The following EPC2 variants were observed in gnomAD, a reference collection of about 807,000 sequenced individuals.
The protein encoded by EPC2 is enhancer of polycomb homolog 2.
A neutral mutation model predicts 92.1 loss-of-function variants in EPC2; 14 were observed. That is an observed-to-expected ratio of 0.15 (90% CI 0.10 to 0.24). EPC2 has a LOEUF of 0.24. Ranked by LOEUF, EPC2 falls within the 10% of genes least tolerant of loss-of-function variation. The pLI is 1.00. For synonymous variants in EPC2, 340 were observed against 334.7 expected (o/e 1.02, Z -0.17); for missense variants, 755 against 971.5 (o/e 0.78, Z 2.96).
intron 10 of EPC2, among the ~76,000 whole-genome samples, chr2:148,775,497 T>C (rs922289752): frequency 3.5e-4 from 53 of 151,964 alleles, no homozygotes; most frequent in Non-Finnish European, 4.7e-4. Context: ...TTTTCTCTAA[T>C]GCATGGTTGC....
intron 1 of EPC2, among the ~76,000 whole-genome samples, chr2:148,654,099 C>A (rs1680741101): frequency 6.6e-6 from 1 of 151,942 alleles, no homozygotes; most frequent in Admixed American, 6.6e-5. Context: ...TAGGCACACG[C>A]CACCACGCCC....
intron 2 of EPC2, among the ~76,000 whole-genome samples, chr2:148,714,628 C>T (rs1217310413): frequency 6.6e-6 from 1 of 152,154 alleles, no homozygotes; most frequent in Non-Finnish European, 1.5e-5. Flanking sequence ...GATGGTACCT[C>T]ATTGTGGTTT....
rs115051866 is a variant in EPC2, at chr2:148,756,317, A to G, written c.666+2184A>G. 3.9e-3 allele frequency among the ~76,000 whole-genome samples: 591 copies of G among 152,284 alleles called. 4 individuals are homozygous for G. The highest frequency in any genetic ancestry group is 0.014 in the African/African-American group (572 of 41,570). ...GTGGGACCAAAGACGATTCCCTATCATGCTCACCATTGCTAGTTAGAAATG... is the reference window on the plus strand; with the variant it reads ...GTGGGACCAAAGACGATTCCCTATCGTGCTCACCATTGCTAGTTAGAAATG... On this transcript the variant is annotated intron_variant, in intron 4 of 13. Coordinates refer to ENST00000258484, the MANE Select transcript of EPC2 (RefSeq NM_015630.4).
At chr2:148,737,812 TAAA>T (rs1173824162) in intron 2 of EPC2, among the ~76,000 whole-genome samples, 1 of 144,398 alleles carries the variant, frequency 6.9e-6, no homozygotes, top group Non-Finnish European at 1.5e-5. Flanking sequence ...CCGATGAGCT[TAAA>T]AAAAAAAAAG....
intron 1 of EPC2, among the ~76,000 whole-genome samples, chr2:148,662,522 A>G (rs1430214568): frequency 1.3e-5 from 2 of 152,210 alleles, no homozygotes; most frequent in East Asian, 1.9e-4. Flanking sequence ...TTGTAGGGAC[A>G]TGGATGAAGC....
chr2:148,709,031 A>G lies in EPC2; in HGVS notation c.313+18658A>G, dbSNP rs558248133. 8.1e-4 allele frequency among the ~76,000 whole-genome samples: 123 copies of G among 152,328 alleles called. 4 individuals are homozygous for G. The South Asian group carries it at 0.022, about 27-fold the overall frequency. ...AAGAGAAAGAAAGAAAGGGTATCCA[A>G]TTAGGAAAAGAGGAAGTCAAATTGT... On this transcript the variant is annotated intron_variant, in intron 2 of 13. Transcript: ENST00000258484.
intron 4 of EPC2, among the ~76,000 whole-genome samples, chr2:148,756,625 G>T (rs1056870330): frequency 6.6e-6 from 1 of 152,184 alleles, no homozygotes; most frequent in African/African-American, 2.4e-5. Flanking sequence ...AAATGAGATA[G>T]TCTTAAGGCA....
intron 10 of EPC2, 25 bp downstream of exon 10, chr2:148,771,412 A>G (rs377708452): frequency 3.0e-5 from 45 of 1,503,246 alleles, no homozygotes; most frequent in African/African-American, 4.2e-5. Context: ...TGTTAAAAGT[A>G]TATCCTGCTA....
In EPC2 at chr2:148,764,972, T is replaced by G. The variant is rs373617252; in HGVS notation, c.966T>G (p.Ser322=). 1.9e-5 allele frequency: 30 copies of G among 1,566,170 alleles called. No individual in the cohort carries two copies. In the African/African-American group the frequency reaches 3.8e-4, roughly 20 times the overall value. ...ECKTKHPHHL[S]LKEEASDVVR... ...GTAAACAGCACCCTCATCATTTGTC[T>G]TTGAAAGAAGAGGCTTCTGATGTGG... Residue 322 remains serine, a synonymous_variant, in exon 7 of 14, where the codon TCT becomes TCG. Transcript: ENST00000258484.
At chr2:148,680,528 C>T (rs988011921) in intron 1 of EPC2, among the ~76,000 whole-genome samples, 4 of 152,072 alleles carry the variant, frequency 2.6e-5, no homozygotes, top group Non-Finnish European at 4.4e-5. Context: ...ATCTTGAGGC[C>T]GGATATTTAT....
intron 2 of EPC2, among the ~76,000 whole-genome samples, chr2:148,701,767 T>G (rs1310611100): frequency 6.6e-6 from 1 of 152,220 alleles, no homozygotes; most frequent in African/African-American, 2.4e-5. Context: ...AAGTGTTTTC[T>G]CTGCTTCTGT....
At chr2:148,713,883 C>G (rs1462683837) in intron 2 of EPC2, among the ~76,000 whole-genome samples, 1 of 152,130 alleles carries the variant, frequency 6.6e-6, no homozygotes, top group Non-Finnish European at 1.5e-5. Flanking sequence ...CTAACAGATG[C>G]ATTTGTCAGA....
intron 2 of EPC2, among the ~76,000 whole-genome samples, chr2:148,736,109 A>G (rs925858677): frequency 2.6e-5 from 4 of 152,206 alleles, no homozygotes; most frequent in Non-Finnish European, 4.4e-5. Flanking sequence ...GCATCAAGGT[A>G]ATTGTCATTA....
At chr2:148,727,015 A>G (rs1682513201) in intron 2 of EPC2, among the ~76,000 whole-genome samples, 1 of 152,006 alleles carries the variant, frequency 6.6e-6, no homozygotes, top group African/African-American at 2.4e-5. Flanking sequence ...ATTCAATGTC[A>G]TGAAGTCTTT....
chr2:148,778,861 G>C (rs552119319), intron 10 of EPC2, among the ~76,000 whole-genome samples: 5 of 152,214 alleles, frequency 3.3e-5, no homozygotes, highest in African/African-American at 1.2e-4. Context: ...TGAGATTGAG[G>C]TGAGGGGGAA....
At chr2:148,761,573 T>C (rs1020234018) in intron 4 of EPC2, among the ~76,000 whole-genome samples, 3 of 152,058 alleles carry the variant, frequency 2.0e-5, no homozygotes, top group African/African-American at 7.2e-5. Flanking sequence ...GCTGGCAACA[T>C]TTTTTTTCTG....
intron 1 of EPC2, among the ~76,000 whole-genome samples, chr2:148,680,581 G>A (rs918903846): frequency 3.3e-5 from 5 of 152,154 alleles, no homozygotes; most frequent in African/African-American, 1.2e-4. Flanking sequence ...AAGCCTCTGT[G>A]GTGCTTAAGG....
intron 10 of EPC2, among the ~76,000 whole-genome samples, chr2:148,773,238 A>G (rs902146019): frequency 6.6e-6 from 1 of 151,970 alleles, no homozygotes; most frequent in Non-Finnish European, 1.5e-5. Flanking sequence ...ACACTACCAT[A>G]CAACATAAAA....
chr2:148,759,372 C>A (rs1253887723), intron 4 of EPC2, among the ~76,000 whole-genome samples: 1 of 152,166 alleles, frequency 6.6e-6, no homozygotes, highest in East Asian at 1.9e-4. Flanking sequence ...GGATTACAGG[C>A]GTGAGCCACT....
Sources: allele counts gnomAD v4.1 joint callset (sites outside exome capture counted in the v4.1 genomes callset), GRCh38; gene constraint gnomAD v4.1.1; transcripts MANE v1.5; gene names NCBI Gene and HGNC (gene_info 2026-07-23, HGNC 2026-07-21).